Variants in PEBP4 observed in about 807,000 individuals in gnomAD.
The protein encoded by PEBP4 is phosphatidylethanolamine binding protein 4.
Under a neutral mutation model 23.9 loss-of-function variants are expected in PEBP4, and 22 were observed. The observed-to-expected ratio is 0.92, with a 90% confidence interval of 0.66 to 1.31. PEBP4 has a LOEUF of 1.31. Ranked by LOEUF, PEBP4 falls within the 40% of genes most tolerant of loss-of-function variation. PEBP4 has a pLI of 0.00. For missense variants in PEBP4, 324 were observed against 281.7 expected (o/e 1.15, Z -1.07); for synonymous variants, 112 against 99.3 (o/e 1.13, Z -0.76).
intron 4 of PEBP4, among the ~76,000 whole-genome samples, chr8:22,807,872 T>TATCC (rs113479008): frequency 0.18 from 26,738 of 146,956 alleles, 2,942 homozygotes; most frequent in East Asian, 0.3. Context: ...ACCCAACCTC[T>TATCC]ATCCATCCAT....
intron 2 of PEBP4, among the ~76,000 whole-genome samples, chr8:22,925,917 C>T (rs1809317073): frequency 6.6e-6 from 1 of 152,198 alleles, no homozygotes; most frequent in South Asian, 2.1e-4. Context: ...GAGGCAACCA[C>T]GTTTCTCTTC....
At chr8:22,904,665 C>T (rs371280062) in intron 3 of PEBP4, among the ~76,000 whole-genome samples, 4 of 152,264 alleles carry the variant, frequency 2.6e-5, no homozygotes, top group East Asian at 3.9e-4. Flanking sequence ...ATTCTCCGTT[C>T]GCCTAGTTTT....
At position 22,795,153 on chromosome 8, in the gene PEBP4, ATATATATATATTTTTTTTTTTTT is replaced by A. The variant is rs1469959129; in HGVS notation, c.357+22461_357+22483del. Among the ~76,000 whole-genome samples the A allele has an allele frequency of 2.4e-3, 77 of 32,500 alleles. 1 individual carries two copies. Among genetic ancestry groups the A allele is most frequent in the Non-Finnish European group, 3.7e-3 (64 of 17,530 alleles). The allele number at this position is 32,500 out of a possible 152,430, so 21.3% of individuals were successfully genotyped here. On this transcript the variant is annotated intron_variant, in intron 4 of 6. Transcript: ENST00000256404. The stretch of plus-strand genomic sequence containing the variant: ...TATATATGTGTGTGTGTATATATAT[ATATATATATATTTTTTTTTTTTT>A]TTTTTTTTTTTTTTTTTGAGATGGA...
intron 4 of PEBP4, among the ~76,000 whole-genome samples, chr8:22,749,805 CTTT>C (rs71206545): frequency 3.6e-5 from 3 of 83,758 alleles, no homozygotes; most frequent in Admixed American, 3.5e-4. Context: ...GTTTGTCATT[CTTT>C]TTTTTTTTTT....
chr8:22,834,698 G>A (rs530029265), intron 3 of PEBP4, among the ~76,000 whole-genome samples: 1 of 152,300 alleles, frequency 6.6e-6, no homozygotes, highest in Admixed American at 6.5e-5. Context: ...GGAATAAAAG[G>A]CAAAGTCTCA....
intron 4 of PEBP4, among the ~76,000 whole-genome samples, chr8:22,728,451 G>C (rs541037453): frequency 1.3e-5 from 2 of 152,234 alleles, no homozygotes; most frequent in African/African-American, 4.8e-5. Context: ...TCCCCCACGA[G>C]CCCCTTGTAC....
rs550021644 is a variant in PEBP4, at chr8:22,935,672, T to C, written c.145-7952A>G. 1.3e-4 allele frequency among the ~76,000 whole-genome samples: 20 copies of C among 152,298 alleles called. No homozygotes were observed. In the South Asian group the frequency reaches 2.9e-3, roughly 22 times the overall value. ...ATGGGTCACAGTCAAAACTTTGTTT[T>C]ATGCACAACATTATTAATAATATTG... On this transcript the variant is annotated intron_variant, in intron 1 of 1. Transcript: ENST00000522278.
chr8:22,742,430 G>A (rs558533742), intron 4 of PEBP4, among the ~76,000 whole-genome samples: 4 of 152,242 alleles, frequency 2.6e-5, no homozygotes, highest in East Asian at 3.9e-4. Flanking sequence ...TGCCCCCATC[G>A]GCCTGTGGTC....
chr8:22,935,727 G>C (rs1339794710), intron 1 of PEBP4, among the ~76,000 whole-genome samples: 1 of 152,000 alleles, frequency 6.6e-6, no homozygotes, highest in African/African-American at 2.4e-5. Flanking sequence ...TGTGTATAAG[G>C]TATATATAAA....
At chr8:22,717,697 G>A (rs945254851) in intron 6 of PEBP4, among the ~76,000 whole-genome samples, 2 of 152,214 alleles carry the variant, frequency 1.3e-5, no homozygotes, top group Non-Finnish European at 2.9e-5. Context: ...TGTTCCTTCA[G>A]GTGGTGATCT....
At position 22,775,696 on chromosome 8, in the gene PEBP4, G is replaced by A. The variant is rs1488474508; in HGVS notation, c.357+41941C>T. ...TACCAGCAAACCAGAAATTAGCTCC[G>A]TTCATCACAGGCACACGGGGCTTCC... On this transcript the variant is annotated intron_variant, in intron 4 of 6. Transcript: ENST00000256404. This position sits in a 1 kb window ranked among gnomAD's most constrained non-coding sequence, Gnocchi z 4.8. Among the ~76,000 whole-genome samples the A allele has an allele frequency of 6.6e-6, 1 of 152,160 alleles. No homozygotes were observed. Among genetic ancestry groups the A allele is most frequent in the Non-Finnish European group, 1.5e-5 (1 of 68,010 alleles).
Position 22,927,870 on chromosome 8 carries a change from A to C in PEBP4, c.-54T>G. The C allele has an allele frequency of 1.2e-6, 1 of 862,532 alleles. No individual in the cohort carries two copies. The highest frequency in any genetic ancestry group is 3.0e-5 in the Admixed American group (1 of 33,248). 53.4% of individuals were successfully genotyped at this position (862,532 alleles called of 1,614,324 possible). On this transcript the variant is annotated 5_prime_UTR_variant, in exon 1 of 7. Coordinates refer to ENST00000256404, the MANE Select transcript of PEBP4 (RefSeq NM_144962.3). Reference sequence around the variant, plus strand: ...GGACAGGCAGCTTCCAGGGCTCCGCAGCTAATCCAGTCCACCACCCGGACA... The same window carrying C: ...GGACAGGCAGCTTCCAGGGCTCCGCCGCTAATCCAGTCCACCACCCGGACA...
chr8:22,817,847 A>G (rs1806777368), intron 3 of PEBP4, 112 bp from the exon 4 acceptor site: 6 of 880,882 alleles, frequency 6.8e-6, no homozygotes, highest in South Asian at 2.9e-5. Context: ...AGTAGCCCCT[A>G]TGGCGTCCCA....
At chr8:22,715,414 G>A (rs939317515) in intron 6 of PEBP4, among the ~76,000 whole-genome samples, 1 of 122,338 alleles carries the variant, frequency 8.2e-6, no homozygotes, top group Non-Finnish European at 1.8e-5. Flanking sequence ...GTATGTGTGG[G>A]TGCACGTGTG....
chr8:22,766,192 G>A (rs1391616623), intron 4 of PEBP4, among the ~76,000 whole-genome samples: 1 of 152,248 alleles, frequency 6.6e-6, no homozygotes, highest in Non-Finnish European at 1.5e-5. Context: ...TCAGGTGAGA[G>A]GATGTGGTGT....
chr8:22,732,678 G>T (rs1038576032), intron 4 of PEBP4, among the ~76,000 whole-genome samples: 3 of 151,750 alleles, frequency 2.0e-5, no homozygotes, highest in African/African-American at 7.3e-5. Context: ...GCACATGTGT[G>T]TATGTGCATG....
chr8:22,782,971 G>C (rs1805957784), intron 4 of PEBP4, among the ~76,000 whole-genome samples: 1 of 152,332 alleles, frequency 6.6e-6, no homozygotes, highest in South Asian at 2.1e-4. Flanking sequence ...CCATAATAGG[G>C]AACAGCAATC....
intron 3 of PEBP4, among the ~76,000 whole-genome samples, chr8:22,855,632 CTTATGCGT>C (rs1212292174): frequency 6.6e-6 from 1 of 152,048 alleles, no homozygotes; most frequent in Non-Finnish European, 1.5e-5. Context: ...AAAGAATGTC[CTTATGCGT>C]GGGGAAGACC....
intron 3 of PEBP4, among the ~76,000 whole-genome samples, chr8:22,829,038 G>A (rs571713578): frequency 6.6e-6 from 1 of 152,286 alleles, no homozygotes; most frequent in South Asian, 2.1e-4. Flanking sequence ...CAGGCCACTG[G>A]TAACTCCTTT....
Sources: allele counts gnomAD v4.1 joint callset (sites outside exome capture counted in the v4.1 genomes callset), GRCh38; gene constraint gnomAD v4.1.1; non-coding constraint Gnocchi (gnomAD v3.1); transcripts MANE v1.5; gene names NCBI Gene and HGNC (gene_info 2026-07-23, HGNC 2026-07-21).